Variants in TTLL11 observed in about 807,000 individuals in gnomAD.
The protein encoded by TTLL11 is tubulin polyglutamylase TTLL11.
TTLL11 carries 42 observed loss-of-function variants against 51.7 expected under a neutral mutation model. The ratio of observed to expected loss-of-function variants is 0.81; its 90% CI spans 0.64 to 1.05. The LOEUF (loss-of-function observed/expected upper bound fraction) is 1.05. Ranked by LOEUF, TTLL11 falls within the 50% of genes least tolerant of loss-of-function variation. TTLL11 has a pLI of 0.00. For synonymous variants in TTLL11, 381 were observed against 383.5 expected, an observed-to-expected ratio of 0.99 and a Z score of 0.08; for missense variants, 799 against 940.4, an observed-to-expected ratio of 0.85 and a Z score of 1.97.
At chr9:121,905,345 T>G (rs1839906566) in intron 6 of TTLL11, among the ~76,000 whole-genome samples, 1 of 151,864 alleles carries the variant, frequency 6.6e-6, no homozygotes, top group Non-Finnish European at 1.5e-5. Flanking sequence ...AACCTGATTT[T>G]ACATTTAACT....
In TTLL11 at chr9:121,819,148, G is replaced by A. The variant is rs1418103830; in HGVS notation, c.*3439C>T. Reference sequence around the variant, plus strand: ...CTGCCCACTGGGAGGGGTCTGTTGGGACCAGCACTTGCTAACAGCTGCACT... The same window carrying A: ...CTGCCCACTGGGAGGGGTCTGTTGGAACCAGCACTTGCTAACAGCTGCACT... On this transcript the variant is annotated 3_prime_UTR_variant, in exon 9 of 9. Transcript: ENST00000321582. 6.6e-6 allele frequency: 1 copy of A among 152,424 alleles called. No homozygotes were observed. The highest frequency in any genetic ancestry group is 1.5e-5 in the Non-Finnish European group (1 of 68,262). 9.4% of individuals were successfully genotyped at this position (152,424 alleles called of 1,614,324 possible).
At chr9:121,944,991 G>C (rs570780883) in intron 6 of TTLL11, among the ~76,000 whole-genome samples, 2 of 152,146 alleles carry the variant, frequency 1.3e-5, no homozygotes, top group East Asian at 3.9e-4. Flanking sequence ...TTGTTTTCAG[G>C]GTTAAAAAAA....
intron 2 of TTLL11, among the ~76,000 whole-genome samples, chr9:122,033,986 G>C (rs759313463): frequency 1.6e-4 from 24 of 152,276 alleles, no homozygotes; most frequent in Admixed American, 1.3e-3. Flanking sequence ...TGACCGCAAA[G>C]TAAACAAAGC....
intron 4 of TTLL11, among the ~76,000 whole-genome samples, chr9:121,982,101 A>G (rs2131674958): frequency 6.6e-6 from 1 of 152,192 alleles, no homozygotes; most frequent in East Asian, 1.9e-4. Context: ...CCCAAACTTC[A>G]ATCTTCAACT....
intron 6 of TTLL11, among the ~76,000 whole-genome samples, chr9:121,947,403 G>A (rs763012392): frequency 3.9e-5 from 6 of 152,268 alleles, no homozygotes; most frequent in Non-Finnish European, 7.4e-5. Context: ...ATGCATTTTA[G>A]GAAGATTTCA....
intron 4 of TTLL11, among the ~76,000 whole-genome samples, chr9:121,983,681 G>C (rs972034906): frequency 6.6e-6 from 1 of 152,158 alleles, no homozygotes; most frequent in East Asian, 1.9e-4. Flanking sequence ...AGCCTTCCCT[G>C]ACAGGGTTAG....
chr9:121,873,365 C>A (rs1406952485), intron 6 of TTLL11, among the ~76,000 whole-genome samples: 1 of 149,718 alleles, frequency 6.7e-6, no homozygotes, highest in African/African-American at 2.5e-5. Context: ...TATTTTACTA[C>A]TGTAATTCTT....
intron 6 of TTLL11, among the ~76,000 whole-genome samples, chr9:121,965,982 C>T (rs1460236548): frequency 6.6e-6 from 1 of 152,194 alleles, no homozygotes; most frequent in African/African-American, 2.4e-5. Context: ...ATAGAATCTA[C>T]CGGATTTGGG....
intron 6 of TTLL11, among the ~76,000 whole-genome samples, chr9:121,943,499 C>T (rs1357048213): frequency 2.6e-5 from 4 of 152,134 alleles, no homozygotes; most frequent in Non-Finnish European, 4.4e-5. Context: ...AGGGACAAAA[C>T]CTTTTATTTT....
At chr9:122,012,439 A>AG (rs1224801864) in intron 3 of TTLL11, among the ~76,000 whole-genome samples, 6 of 151,846 alleles carry the variant, frequency 4.0e-5, no homozygotes, top group Admixed American at 3.3e-4. Flanking sequence ...AGAGAGAGAG[A>AG]GAAAAAAAAA....
intron 6 of TTLL11, among the ~76,000 whole-genome samples, chr9:121,921,896 G>A (rs934800846): frequency 1.3e-5 from 2 of 152,198 alleles, no homozygotes; most frequent in African/African-American, 4.8e-5. Flanking sequence ...AGAGGCTGAT[G>A]GTCTGCCCTG....
At chr9:121,846,574 A>G (rs1334900547) in intron 8 of TTLL11, among the ~76,000 whole-genome samples, 1 of 152,226 alleles carries the variant, frequency 6.6e-6, no homozygotes, top group Non-Finnish European at 1.5e-5. Context: ...AATAGAGATC[A>G]TACAAAAAAT....
chr9:121,821,100 T>A lies in TTLL11; in HGVS notation c.*1487A>T, dbSNP rs1836564989. On this transcript the variant is annotated 3_prime_UTR_variant, in exon 9 of 9. Coordinates refer to ENST00000321582, the MANE Select transcript of TTLL11 (RefSeq NM_001139442.2). The surrounding 1 kb of genome is among the most constrained non-coding windows in gnomAD (Gnocchi z 5.0). ...TTGGAGACATCTTGGATTAACAATC[T>A]TGCCTTTGGGTTTAAAAATATCTGG... is the stretch of plus-strand genomic sequence containing the variant. Among the ~76,000 whole-genome samples the A allele has an allele frequency of 1.3e-5, 2 of 152,102 alleles. 1 individual carries two copies.
intron 6 of TTLL11, chr9:121,884,501 G>T (rs1838928110): frequency 6.6e-6 from 1 of 152,610 alleles, no homozygotes; most frequent in Non-Finnish European, 1.5e-5. Flanking sequence ...AGGGCAAGGG[G>T]GATGTGTGGG....
intron 8 of TTLL11, among the ~76,000 whole-genome samples, chr9:121,838,184 C>T (rs1027090898): frequency 6.6e-6 from 1 of 152,118 alleles, no homozygotes; most frequent in Non-Finnish European, 1.5e-5. Flanking sequence ...TTGAGTCTCG[C>T]CCATTTTAAT....
chr9:121,823,013 C>G lies in TTLL11; in HGVS notation c.1841-134G>C, dbSNP rs556193024. ...ACCACCGTCTCCATTCCAGAAACTC[C>G]TAACAGGGCTAACTCACTCACAGAG... On this transcript the variant is annotated intron_variant, in intron 8 of 8. Transcript: ENST00000321582. The G allele has an allele frequency of 6.6e-5, 69 of 1,050,922 alleles. No individual in the cohort carries two copies. The African/African-American group carries it at 7.5e-4, about 11-fold the overall frequency. The allele number at this position is 1,050,922 out of a possible 1,614,324, so 65.1% of individuals were successfully genotyped here.
chr9:121,904,862 A>G (rs1186137001), intron 6 of TTLL11, among the ~76,000 whole-genome samples: 2 of 152,224 alleles, frequency 1.3e-5, no homozygotes, highest in African/African-American at 2.4e-5. Flanking sequence ...TCCAGCCGTG[A>G]ATAACCTGAG....
intron 6 of TTLL11, among the ~76,000 whole-genome samples, chr9:121,931,780 G>T (rs1432636945): frequency 6.6e-6 from 1 of 152,040 alleles, no homozygotes; most frequent in African/African-American, 2.4e-5. Flanking sequence ...TGGGTTGCCT[G>T]CCTGCTTTCC....
At position 121,820,956 on chromosome 9, in the gene TTLL11, C is replaced by T. The variant is rs956286694; in HGVS notation, c.*1631G>A. 6.6e-6 allele frequency among the ~76,000 whole-genome samples: 1 copy of T among 151,406 alleles called. No homozygotes were observed. The highest frequency in any genetic ancestry group is 6.6e-5 in the Admixed American group (1 of 15,194). On this transcript the variant is annotated 3_prime_UTR_variant, in exon 9 of 9. Coordinates refer to ENST00000321582, the MANE Select transcript of TTLL11 (RefSeq NM_001139442.2). ...CTAGCAGCAGGGAAGGGGTGCTGCG[C>T]GGCAGCCACACCGTGGGGGAAACAG...
Sources: allele counts gnomAD v4.1 joint callset (sites outside exome capture counted in the v4.1 genomes callset), GRCh38; gene constraint gnomAD v4.1.1; non-coding constraint Gnocchi (gnomAD v3.1); transcripts MANE v1.5; gene names NCBI Gene and HGNC (gene_info 2026-07-23, HGNC 2026-07-21).